Variants in ODR4 observed in about 807,000 individuals in gnomAD.
ODR4 encodes the protein odr-4 GPCR localization factor homolog.
Under a neutral mutation model 60.2 loss-of-function variants are expected in ODR4, and 47 were observed. The observed-to-expected ratio is 0.78, with a 90% CI of 0.62 to 1.00. The LOEUF (loss-of-function observed/expected upper bound fraction) is 1.00, where lower values mean the gene tolerates loss of function less well. ODR4 is among the 50% of genes least tolerant of loss of function. ODR4 has a pLI of 0.00. For synonymous variants in ODR4, 178 were observed against 175.5 expected (o/e 1.01, Z -0.11); for missense variants, 488 against 530.8 (o/e 0.92, Z 0.79).
At position 186,421,040 on chromosome 1, in the gene ODR4, G is replaced by T. The variant is rs1661754545; in HGVS notation, c.*1964G>T. 1 of 152,156 alleles carries T rather than the reference G, an allele frequency of 6.6e-6. No individual in the cohort carries two copies. The highest frequency in any genetic ancestry group is 1.9e-4 in the East Asian group (1 of 5,192). The allele number at this position is 152,156 out of a possible 1,614,324, so 9.4% of individuals were successfully genotyped here. A position where few individuals can be genotyped will look rare whatever the true frequency, so the allele number is the denominator to read the frequency against. On this transcript the variant is annotated 3_prime_UTR_variant, in exon 14 of 14. Transcript: ENST00000287859. ...AGCAAGACAGTCAAATACTTAGTAG[G>T]CTTCCTAACAGCAACAATGTACCCA...
At chr1:186,376,723 G>A (rs1037528120) in intron 1 of ODR4, among the ~76,000 whole-genome samples, 1 of 152,148 alleles carries the variant, frequency 6.6e-6, no homozygotes, top group African/African-American at 2.4e-5. Context: ...AAAGTTGCTG[G>A]TATATGAAGT....
At chr1:186,432,564 C>A in the ODR4 span, among the ~76,000 whole-genome samples, 1 of 151,974 alleles carries the variant, frequency 6.6e-6, no homozygotes, top group Admixed American at 6.6e-5. Context: ...GGTTACAGGG[C>A]TATTCAGACT....
intron 2 of ODR4, among the ~76,000 whole-genome samples, chr1:186,382,056 T>C (rs1003358786): frequency 3.9e-5 from 6 of 152,040 alleles, no homozygotes; most frequent in Non-Finnish European, 8.8e-5. Context: ...TATTGAATGT[T>C]CCCCTACATT....
At chr1:186,383,213 C>G in intron 3 of ODR4, 57 bp downstream of exon 3, 3 of 1,505,682 alleles carry the variant, frequency 2.0e-6, no homozygotes, top group Non-Finnish European at 2.7e-6. Context: ...GAGCTAGAAT[C>G]AAGAAGATTT....
chr1:186,432,504 G>GT, the ODR4 span, among the ~76,000 whole-genome samples: 1 of 151,956 alleles, frequency 6.6e-6, no homozygotes, highest in Non-Finnish European at 1.5e-5. Context: ...TAGGCCCTGT[G>GT]TTTTTTTGGG....
intron 8 of ODR4, among the ~76,000 whole-genome samples, chr1:186,392,974 C>T (rs1174741351): frequency 6.6e-6 from 1 of 152,198 alleles, no homozygotes; most frequent in Admixed American, 6.5e-5. Flanking sequence ...CACTGCACTC[C>T]AGCCTTTGGC....
At chr1:186,417,096 G>A (rs1661603221) in intron 12 of ODR4, among the ~76,000 whole-genome samples, 3 of 151,844 alleles carry the variant, frequency 2.0e-5, no homozygotes, top group South Asian at 4.2e-4. Context: ...CCAAGTAGCT[G>A]GGACTACAGG....
chr1:186,409,359 G>A (rs932526036), intron 12 of ODR4, among the ~76,000 whole-genome samples: 3 of 152,208 alleles, frequency 2.0e-5, no homozygotes, highest in Non-Finnish European at 4.4e-5. Flanking sequence ...TGTTGAAAGA[G>A]CAAAAAGGGC....
intron 8 of ODR4, 143 bp from the exon 9 acceptor site, chr1:186,393,804 A>T (rs1163971042): frequency 1.5e-5 from 9 of 602,088 alleles, no homozygotes; most frequent in East Asian, 1.2e-4. Context: ...ACATAAAGTA[A>T]TATCTATATA....
intron 1 of ODR4, among the ~76,000 whole-genome samples, chr1:186,379,383 C>T (rs924492248): frequency 6.9e-6 from 1 of 144,198 alleles, no homozygotes; most frequent in Non-Finnish European, 1.5e-5. Context: ...GCAGAGGTTA[C>T]AGTGTGCCGA....
Position 186,398,375 on chromosome 1 carries a change from T to G in ODR4, c.843T>G (p.Leu281=). ...TVQICSGSVN[L]KGAVKCRAYI... is the part of the protein sequence containing the mutation. Reference sequence around the variant, plus strand: ...AGATATGTAGCGGTTCTGTAAACCTTAAGGGTGCTGTGAAATGCAGAGCTT... The same window carrying G: ...AGATATGTAGCGGTTCTGTAAACCTGAAGGGTGCTGTGAAATGCAGAGCTT... Residue 281 remains leucine (L), a synonymous_variant, in exon 10 of 14, where the codon CTT becomes CTG. Transcript: ENST00000287859. The G allele has an allele frequency of 2.5e-6, 4 of 1,611,694 alleles. No individual in the cohort carries two copies. Among genetic ancestry groups the G allele is most frequent in the Non-Finnish European group, 2.5e-6 (3 of 1,178,614 alleles).
At chr1:186,392,766 G>A (rs1660516858) in intron 8 of ODR4, among the ~76,000 whole-genome samples, 1 of 152,156 alleles carries the variant, frequency 6.6e-6, no homozygotes, top group Non-Finnish European at 1.5e-5. Flanking sequence ...ACTTTGAGGG[G>A]CCAAGGTGGG....
chr1:186,400,270 A>G (rs57040195), intron 11 of ODR4, among the ~76,000 whole-genome samples: 29,836 of 151,024 alleles, frequency 0.2, 3,490 homozygotes, highest in African/African-American at 0.32. Flanking sequence ...GATTACAGGC[A>G]TGAGCCACCG....
chr1:186,404,373 T>G (rs1308862601), intron 11 of ODR4, among the ~76,000 whole-genome samples: 1 of 152,236 alleles, frequency 6.6e-6, no homozygotes, highest in Non-Finnish European at 1.5e-5. Flanking sequence ...AATGAGTAAT[T>G]TAAATTTATT....
chr1:186,417,728 T>C (rs1358669549), intron 13 of ODR4, 74 bp downstream of exon 13: 2 of 802,432 alleles, frequency 2.5e-6, no homozygotes, highest in Non-Finnish European at 4.1e-6. Context: ...TTAAGATCTT[T>C]GTATTTCATT....
intron 12 of ODR4, among the ~76,000 whole-genome samples, chr1:186,416,398 G>T (rs1661565651): frequency 6.6e-6 from 1 of 151,616 alleles, no homozygotes; most frequent in African/African-American, 2.4e-5. Context: ...TAGGCCAGGT[G>T]TGATGGCTCA....
At chr1:186,387,562 C>T (rs1660301729) in intron 4 of ODR4, among the ~76,000 whole-genome samples, 2 of 152,206 alleles carry the variant, frequency 1.3e-5, no homozygotes, top group African/African-American at 2.4e-5. Context: ...ATTGTTTCCA[C>T]TGGCTACACT....
chr1:186,395,419 T>C (rs1197577876), intron 9 of ODR4, among the ~76,000 whole-genome samples: 1 of 152,054 alleles, frequency 6.6e-6, no homozygotes, highest in Non-Finnish European at 1.5e-5. Context: ...TTATATAGTA[T>C]AATATATTTT....
intron 10 of ODR4, 24 bp from the exon 11 acceptor site, chr1:186,398,929 GT>G: frequency 6.6e-7 from 1 of 1,514,108 alleles, no homozygotes; most frequent in Non-Finnish European, 9.0e-7. Flanking sequence ...TTCTTACTGT[GT>G]TTTTTGTGTG....
Sources: gnomAD v4.1 joint callset for allele counts (sites outside exome capture counted in the v4.1 genomes callset) on GRCh38, gnomAD v4.1.1 for gene constraint, MANE v1.5 for transcripts, NCBI Gene and HGNC (gene_info 2026-07-23, HGNC 2026-07-21) for gene names.